Variants in POLGARF observed in about 807,000 individuals in gnomAD.
The protein encoded by POLGARF is POLG alternative reading frame.
At chr15:89,333,693 G>C in the POLGARF span, 1 of 1,541,896 alleles carries the variant, frequency 6.5e-7, no homozygotes, top group Non-Finnish European at 8.7e-7. Context: ...GCGCCCCGGA[G>C]CTGGAACCGG....
the POLGARF span, chr15:89,332,964 C>T: frequency 1.1e-5 from 13 of 1,237,026 alleles, no homozygotes; most frequent in African/African-American, 2.0e-4. Context: ...GGGGTCTAGT[C>T]CTAATTCAAC....
the POLGARF span, among the ~76,000 whole-genome samples, chr15:89,332,603 G>C: frequency 6.7e-6 from 1 of 148,516 alleles, no homozygotes; most frequent in African/African-American, 2.5e-5. Context: ...TGCCGGCGGG[G>C]GCAGGGGGGC....
the POLGARF span, among the ~76,000 whole-genome samples, chr15:89,331,043 G>A: frequency 6.6e-6 from 1 of 152,184 alleles, no homozygotes; most frequent in African/African-American, 2.4e-5. Flanking sequence ...GCAAGCCACA[G>A]ATTATTCTAA....
At chr15:89,333,084 G>A in the POLGARF span, 4 of 1,510,166 alleles carry the variant, frequency 2.6e-6, no homozygotes, top group Non-Finnish European at 3.5e-6. Flanking sequence ...CCCCAACCCT[G>A]CCCCTACTTA....
the POLGARF span, among the ~76,000 whole-genome samples, chr15:89,331,675 T>TA: frequency 2.0e-5 from 3 of 152,152 alleles, no homozygotes; most frequent in Non-Finnish European, 1.5e-5. Context: ...CCTCCCATTG[T>TA]AAATTGTGGG....
chr15:89,333,656 G>C, the POLGARF span: 2 of 1,569,480 alleles, frequency 1.3e-6, no homozygotes, highest in Non-Finnish European at 1.7e-6. Flanking sequence ...CGCTGGGGTC[G>C]GACGCGGGGA....
At chr15:89,333,462 G>A in the POLGARF span, 2 of 1,611,286 alleles carry the variant, frequency 1.2e-6, no homozygotes, top group Non-Finnish European at 1.7e-6. Flanking sequence ...GCGCACCGCG[G>A]CCTCGCCAGG....
chr15:89,333,515 C>T, the POLGARF span: 1 of 1,612,866 alleles, frequency 6.2e-7, no homozygotes, highest in Non-Finnish European at 8.5e-7. Flanking sequence ...GCAGCCCTCT[C>T]GAGAGCATCT....
At chr15:89,333,054 G>A in the POLGARF span, 1 of 1,499,980 alleles carries the variant, frequency 6.7e-7, no homozygotes, top group Admixed American at 2.3e-5. Flanking sequence ...ATTAAGCTGG[G>A]CCCCCATGCC....
At chr15:89,333,216 G>A in the POLGARF span, 1 of 1,577,598 alleles carries the variant, frequency 6.3e-7, no homozygotes, top group South Asian at 1.1e-5. Flanking sequence ...CTCCCCCTCG[G>A]GGCCGTACCG....
chr15:89,332,762 A>G, the POLGARF span, among the ~76,000 whole-genome samples: 8 of 152,296 alleles, frequency 5.3e-5, no homozygotes, highest in South Asian at 1.0e-3. Flanking sequence ...GACTTTTCAG[A>G]CTAACTTCTC....
At chr15:89,330,642 G>A in the POLGARF span, among the ~76,000 whole-genome samples, 10 of 151,926 alleles carry the variant, frequency 6.6e-5, 1 homozygote, top group African/African-American at 2.2e-4. Flanking sequence ...AACCCCTCAC[G>A]TCTACAGGCA....
chr15:89,333,490 C>G, the POLGARF span: 4 of 1,612,650 alleles, frequency 2.5e-6, no homozygotes, highest in Non-Finnish European at 3.4e-6. Context: ...CCTCCTTGCC[C>G]GAAGATTTGC....
the POLGARF span, chr15:89,330,305 A>C: frequency 1.9e-6 from 3 of 1,566,658 alleles, no homozygotes; most frequent in Non-Finnish European, 2.6e-6. Flanking sequence ...AGGCAGGTTC[A>C]CCATGGAGAC....
At chr15:89,331,278 A>G in the POLGARF span, among the ~76,000 whole-genome samples, 2 of 152,198 alleles carry the variant, frequency 1.3e-5, no homozygotes, top group African/African-American at 4.8e-5. Flanking sequence ...AAAATAAGCC[A>G]AGGGACTGAA....
chr15:89,333,572 C>A, the POLGARF span: 6 of 1,610,594 alleles, frequency 3.7e-6, no homozygotes, highest in Middle Eastern at 5.0e-4. Flanking sequence ...CCGAGGATAG[C>A]ACTTGCGGCT....
chr15:89,333,408 G>A, the POLGARF span: 14 of 1,604,380 alleles, frequency 8.7e-6, no homozygotes, highest in Non-Finnish European at 7.6e-6. Context: ...GGGCACGGCT[G>A]GCTGCCCCCA....
At chr15:89,331,433 G>T in the POLGARF span, among the ~76,000 whole-genome samples, 4 of 152,238 alleles carry the variant, frequency 2.6e-5, no homozygotes, top group Non-Finnish European at 4.4e-5. Flanking sequence ...CTGGTGTCAA[G>T]ATGCAGCTCT....
At chr15:89,333,612 T>TGCC in the POLGARF span, 2 of 1,600,120 alleles carry the variant, frequency 1.2e-6, no homozygotes, top group Non-Finnish European at 1.7e-6. Context: ...CTGCTGCTGC[T>TGCC]GCTGCTGCTG....
Sources: allele counts gnomAD v4.1 joint callset (sites outside exome capture counted in the v4.1 genomes callset), GRCh38; gene constraint gnomAD v4.1.1; transcripts MANE v1.5; gene names NCBI Gene and HGNC (gene_info 2026-07-23, HGNC 2026-07-21).